Variants in PRKAA1 observed in about 807,000 individuals in gnomAD.
PRKAA1 encodes 5'-AMP-activated protein kinase catalytic subunit alpha-1.
PRKAA1 carries 23 observed loss-of-function variants against 56.9 expected under a neutral mutation model. That is an observed-to-expected ratio of 0.40 (90% CI 0.29 to 0.57). PRKAA1 has a LOEUF of 0.57. Among genes scored for constraint, PRKAA1 ranks in the 20% least tolerant of loss-of-function variants. The pLI is 0.39. For missense variants in PRKAA1, 413 were observed against 679.7 expected, an observed-to-expected ratio of 0.61 and a Z score of 4.36; for synonymous variants, 226 against 227.0, an observed-to-expected ratio of 1.00 and a Z score of 0.04.
chr5:40,774,540 C>T (rs893704678), intron 3 of PRKAA1, among the ~76,000 whole-genome samples: 1 of 148,744 alleles, frequency 6.7e-6, no homozygotes, highest in Non-Finnish European at 1.5e-5. Context: ...TCCCATTTCT[C>T]CAGGCAGAAT....
chr5:40,772,958 A>G (rs566566952), intron 3 of PRKAA1, among the ~76,000 whole-genome samples: 1 of 152,242 alleles, frequency 6.6e-6, no homozygotes, highest in Non-Finnish European at 1.5e-5. Flanking sequence ...AAACTTCTCT[A>G]TGTATCCATA....
intron 1 of PRKAA1, among the ~76,000 whole-genome samples, chr5:40,797,535 G>C (rs1436325923): frequency 6.6e-6 from 1 of 152,198 alleles, no homozygotes; most frequent in African/African-American, 2.4e-5. Context: ...TACCCACAAA[G>C]AAACCTTACT....
chr5:40,773,225 A>C (rs910344103), intron 3 of PRKAA1, among the ~76,000 whole-genome samples: 3 of 152,326 alleles, frequency 2.0e-5, no homozygotes, highest in South Asian at 2.1e-4. Context: ...CTCTAGAAAA[A>C]TACTAATCCT....
At chr5:40,784,246 G>A (rs1015357502) in intron 1 of PRKAA1, among the ~76,000 whole-genome samples, 3 of 152,172 alleles carry the variant, frequency 2.0e-5, no homozygotes, top group African/African-American at 7.2e-5. Context: ...TCTGATTGGT[G>A]ATACCTATCC....
chr5:40,792,505 T>C (rs971094750), intron 1 of PRKAA1, among the ~76,000 whole-genome samples: 1 of 152,178 alleles, frequency 6.6e-6, no homozygotes, highest in Non-Finnish European at 1.5e-5. Flanking sequence ...CATGTAGAGG[T>C]AGGATACCAA....
chr5:40,779,926 C>A (rs1406689316), intron 1 of PRKAA1, among the ~76,000 whole-genome samples: 1 of 152,094 alleles, frequency 6.6e-6, no homozygotes, highest in East Asian at 1.9e-4. Context: ...AATTAGAATT[C>A]TCTAAAAGCC....
chr5:40,795,584 G>C (rs1744892362), intron 1 of PRKAA1, among the ~76,000 whole-genome samples: 1 of 152,136 alleles, frequency 6.6e-6, no homozygotes, highest in African/African-American at 2.4e-5. Context: ...ATGAGCCAAT[G>C]AGACTCATAA....
At chr5:40,776,929 A>G (rs376473595) in intron 2 of PRKAA1, 1 of 152,452 alleles carries the variant, frequency 6.6e-6, no homozygotes, top group Non-Finnish European at 1.5e-5. Context: ...ATGAGAAGAT[A>G]ACAGCTGATA....
chr5:40,798,106 A>C lies in PRKAA1; in HGVS notation c.84T>G (p.Ile28Met). The change falls in exon 1 of 9, where the codon ATT becomes ATG. Residue 28 changes from isoleucine (I) to methionine (M), a missense_variant. Ile to Met is a conservative substitution (Grantham distance 10). Around this residue, in one of 9 missense-constraint regions of PRKAA1, gnomAD observed 61 missense variants for 73.1 expected, o/e 0.83. Coordinates refer to ENST00000397128, the MANE Select transcript of PRKAA1 (RefSeq NM_006251.6). ...HDGRVKIGHY[I>M]LGDTLGVGTF... is the part of the protein sequence containing the mutation. ...TGCCGACCCCCAGCGTGTCACCCAG[A>C]ATGTAGTGGCCGATCTTCACCCGCC... The C allele has an allele frequency of 6.2e-7, 1 of 1,606,226 alleles. No individual in the cohort carries two copies. The highest frequency in any genetic ancestry group is 8.5e-7 in the Non-Finnish European group (1 of 1,176,202).
intron 8 of PRKAA1, among the ~76,000 whole-genome samples, chr5:40,763,425 T>C (rs996425899): frequency 1.3e-5 from 2 of 152,146 alleles, no homozygotes; most frequent in Non-Finnish European, 2.9e-5. Flanking sequence ...ACTTTATTGA[T>C]AAGAAAACAA....
chr5:40,771,573 C>A (rs775449871), intron 4 of PRKAA1, 146 bp downstream of exon 4: 2 of 741,402 alleles, frequency 2.7e-6, no homozygotes, highest in Non-Finnish European at 4.1e-6. Flanking sequence ...CTTTTTGTAT[C>A]TTCATAGACA....
rs766225779 is a variant in PRKAA1 at position 40,775,452 on chromosome 5, G to A, written c.321C>T (p.Val107=). ...PSDIFMVMEY[V]SGGELFDYIC... is the part of the protein sequence containing the mutation. ...TATAATCAAATAGCTCTCCTCCTGA[G>A]ACATATTCCATCACCATGAAAATAT... The change falls in exon 3 of 9, where the codon GTC becomes GTT. Residue 107 remains valine (V), a synonymous_variant. Transcript: ENST00000397128. 3.1e-6 allele frequency: 5 copies of A among 1,608,732 alleles called. No homozygotes were observed. Among genetic ancestry groups the A allele is most frequent in the South Asian group, 2.2e-5 (2 of 90,950 alleles).
chr5:40,777,157 C>G (rs546830304), intron 2 of PRKAA1: 1 of 198,682 alleles, frequency 5.0e-6, no homozygotes, highest in African/African-American at 2.4e-5. Context: ...GTATTACAGG[C>G]GCCCACCACC....
intron 1 of PRKAA1, among the ~76,000 whole-genome samples, chr5:40,789,101 C>T (rs1008743882): frequency 8.1e-4 from 123 of 151,926 alleles, no homozygotes; most frequent in African/African-American, 2.8e-3. Context: ...GTCCCAGCTA[C>T]TTGGGAGGCA....
At chr5:40,771,220 A>G (rs1314551745) in intron 4 of PRKAA1, among the ~76,000 whole-genome samples, 1 of 152,210 alleles carries the variant, frequency 6.6e-6, no homozygotes, top group Non-Finnish European at 1.5e-5. Flanking sequence ...AAAGATATTT[A>G]AAGAGCCAGG....
At chr5:40,775,857 T>C (rs916496984) in intron 2 of PRKAA1, among the ~76,000 whole-genome samples, 3 of 152,128 alleles carry the variant, frequency 2.0e-5, no homozygotes, top group Non-Finnish European at 4.4e-5. Flanking sequence ...AAAGCGAAAC[T>C]GGGAGAGGGA....
intron 1 of PRKAA1, among the ~76,000 whole-genome samples, chr5:40,791,349 G>A (rs1015530528): frequency 1.3e-5 from 2 of 152,146 alleles, no homozygotes; most frequent in Admixed American, 6.6e-5. Flanking sequence ...TTTTGGCCAC[G>A]GAAGACTTGC....
At chr5:40,795,006 T>TACACACAC (rs1468122343) in intron 1 of PRKAA1, among the ~76,000 whole-genome samples, 20 of 139,948 alleles carry the variant, frequency 1.4e-4, no homozygotes, top group African/African-American at 4.8e-4. Context: ...TATACATATA[T>TACACACAC]ATACACACAC....
Position 40,794,727 on chromosome 5 carries a change from C to T in PRKAA1, c.127+3336G>A, listed in dbSNP as rs556823810. ...ATGTGGCTGGCCAATTATCCCAGCA[C>T]AATTTGTTGAAAAGGGTGAACAGGG... On this transcript the variant is annotated intron_variant, in intron 1 of 8. Transcript: ENST00000397128. Among the ~76,000 whole-genome samples, 32 of 125,708 alleles carry T rather than the reference C, an allele frequency of 2.5e-4. 9 individuals are homozygous for T. In the South Asian group the frequency reaches 4.2e-3, roughly 17 times the overall value. 82.5% of individuals were successfully genotyped at this position (125,708 alleles called of 152,430 possible).
Sources: allele counts gnomAD v4.1 joint callset (sites outside exome capture counted in the v4.1 genomes callset), GRCh38; gene constraint gnomAD v4.1.1; regional missense constraint gnomAD v4.1.1; transcripts MANE v1.5; gene names NCBI Gene and HGNC (gene_info 2026-07-23, HGNC 2026-07-21).